Variants in FBXO44 observed in about 807,000 individuals in gnomAD.
FBXO44 encodes F-box protein 44.
A neutral mutation model predicts 33.5 loss-of-function variants in FBXO44; 25 were observed. The observed-to-expected ratio is 0.75, with a 90% CI of 0.54 to 1.04. FBXO44 has a LOEUF of 1.04. FBXO44 is among the 50% of genes least tolerant of loss of function. The probability of loss-of-function intolerance (pLI) is 0.00; values close to 1 mark genes in which losing one functional copy is unlikely to be tolerated. For missense variants in FBXO44, 311 were observed against 344.0 expected, an observed-to-expected ratio of 0.90 and a Z score of 0.76; for synonymous variants, 147 against 152.8, an observed-to-expected ratio of 0.96 and a Z score of 0.28.
In FBXO44 at chr1:11,655,323, C is replaced by G. The variant is rs550774733; in HGVS notation, c.-31+371C>G. On this transcript the variant is annotated intron_variant, in intron 1 of 5. Coordinates refer to ENST00000251547, the MANE Select transcript of FBXO44 (RefSeq NM_033182.7). ...GTCGCCCACCCTCTTGCCACTCCCA[C>G]CTAGGCAGGAGATCATGTCCTCTGA... The G allele has an allele frequency of 3.4e-4, 53 of 155,890 alleles. 1 individual carries two copies. In the South Asian group the frequency reaches 4.0e-3, roughly 12 times the overall value. 9.7% of individuals were successfully genotyped at this position (155,890 alleles called of 1,614,324 possible).
At chr1:11,660,988 G>C in intron 5 of FBXO44, 142 bp from the exon 6 acceptor site, 2 of 817,160 alleles carry the variant, frequency 2.4e-6, no homozygotes, top group Non-Finnish European at 3.8e-6. Context: ...TCTGGTTTGC[G>C]ACAAGACTAG....
chr1:11,659,399 GA>G (rs939864771), intron 5 of FBXO44, among the ~76,000 whole-genome samples: 2 of 151,888 alleles, frequency 1.3e-5, no homozygotes, highest in Non-Finnish European at 2.9e-5. Context: ...GAAAAGAAAA[GA>G]AAAAAAATTC....
In FBXO44 at chr1:11,662,799, T is replaced by C. The variant is rs906526423; in HGVS notation, c.*1526T>C. 2 of 152,142 alleles carry C rather than the reference T, an allele frequency of 1.3e-5. No homozygotes were observed. The highest frequency in any genetic ancestry group is 2.9e-5 in the Non-Finnish European group (2 of 68,042). The allele number at this position is 152,142 out of a possible 1,614,324, so 9.4% of individuals were successfully genotyped here. ...GGATTATGGGAGCGGTTTTCCCCCATGCTGTTCTCATGATAGTGAGTGAGT... is the reference window on the plus strand; with the variant it reads ...GGATTATGGGAGCGGTTTTCCCCCACGCTGTTCTCATGATAGTGAGTGAGT... On this transcript the variant is annotated 3_prime_UTR_variant, in exon 6 of 6. Coordinates refer to ENST00000251547, the MANE Select transcript of FBXO44 (RefSeq NM_033182.7).
Position 11,658,338 on chromosome 1 carries a change from C to A in FBXO44, c.337C>A (p.Gln113Lys). Residue 113 changes from glutamine to lysine, a missense_variant, in exon 3 of 6, where the codon CAG becomes AAG. By Grantham distance (53) the Gln-to-Lys change is moderately conservative. Transcript: ENST00000251547. The part of the protein sequence containing the change: ...EWKVEDLSRD[Q>K]RKEFPNDQVK... ...GAAGGTGGAGGATCTCTCTCGAGACCAGAGGAAGGAATTCCCCAATGACCA... is the reference window on the plus strand; with the variant it reads ...GAAGGTGGAGGATCTCTCTCGAGACAAGAGGAAGGAATTCCCCAATGACCA... 7 of 1,613,138 alleles carry A rather than the reference C, an allele frequency of 4.3e-6. No homozygotes were observed. The highest frequency in any genetic ancestry group is 5.9e-6 in the Non-Finnish European group (7 of 1,179,770).
chr1:11,658,954 A>G, intron 5 of FBXO44, 83 bp downstream of exon 5: 1 of 1,531,366 alleles, frequency 6.5e-7, no homozygotes, highest in Non-Finnish European at 8.8e-7. Context: ...TTCAGATCCA[A>G]GCTCTGCACC....
At chr1:11,654,442 G>A (rs1639626764), upstream of FBXO44, 10 of 1,220,964 alleles carry the variant, frequency 8.2e-6, no homozygotes, top group South Asian at 1.5e-4. Context: ...GTCGGTCCCG[G>A]CGACCGCGCC....
intron 2 of FBXO44, among the ~76,000 whole-genome samples, chr1:11,657,157 T>C (rs562983331): frequency 1.3e-5 from 2 of 152,336 alleles, no homozygotes; most frequent in South Asian, 4.1e-4. Flanking sequence ...GCTGAGGCAT[T>C]AATAATTGTT....
rs1640150142 is a variant in FBXO44, at chr1:11,661,042, C to A, written c.625-88C>A. 7.1e-7 allele frequency: 1 copy of A among 1,410,510 alleles called. No individual in the cohort carries two copies. The highest frequency in any genetic ancestry group is 1.3e-5 in the South Asian group (1 of 75,900). The allele number at this position is 1,410,510 out of a possible 1,614,324, so 87.4% of individuals were successfully genotyped here. ...AAACAACCCTCCCACCTCAGCCTCC[C>A]AAAGTACTGGGATTCCCGGTGTGAG... On this transcript the variant is annotated intron_variant, in intron 5 of 5. Coordinates refer to ENST00000251547, the MANE Select transcript of FBXO44 (RefSeq NM_033182.7). This position sits in a 1 kb window ranked among gnomAD's most constrained non-coding sequence, Gnocchi z 4.4.
chr1:11,658,683 C>A (rs572795365), intron 4 of FBXO44, 53 bp from the exon 5 acceptor site: 7 of 1,607,938 alleles, frequency 4.4e-6, no homozygotes, highest in Non-Finnish European at 5.9e-6. Context: ...GCGCCCCACC[C>A]CCGCCCTGCC....
Position 11,656,012 on chromosome 1 carries a change from G to A in FBXO44, c.177G>A (p.Glu59=). Reference sequence around the variant, plus strand: ...GCCTGCGAGAGGGCTTCATCACTGAGGACTGGGACCAGCCCGTGGCCGACT... The same window carrying A: ...GCCTGCGAGAGGGCTTCATCACTGAAGACTGGGACCAGCCCGTGGCCGACT... ...RKCLREGFIT[E]DWDQPVADWK... is the part of the protein sequence containing the mutation. The change falls in exon 2 of 6, where the codon GAG becomes GAA. Residue 59 remains glutamate, a synonymous_variant. Transcript: ENST00000251547. The A allele has an allele frequency of 6.2e-7, 1 of 1,614,200 alleles. No homozygotes were observed. Among genetic ancestry groups the A allele is most frequent in the Non-Finnish European group, 8.5e-7 (1 of 1,180,040 alleles).
intron 4 of FBXO44, 47 bp downstream of exon 4, chr1:11,658,675 G>GCCCCCCCCC: frequency 6.3e-7 from 1 of 1,594,524 alleles, no homozygotes; most frequent in Non-Finnish European, 8.5e-7. Context: ...CCAATCAGGC[G>GCCCCCCCCC]CCCCACCCCC....
intron 1 of FBXO44, 23 bp from the exon 2 acceptor site, chr1:11,655,783 C>T: frequency 6.3e-7 from 1 of 1,599,310 alleles, no homozygotes; most frequent in Non-Finnish European, 8.5e-7. Context: ...AGGGATGAGG[C>T]CTGCAGCATA....
chr1:11,660,491 G>A (rs191296686), intron 5 of FBXO44, among the ~76,000 whole-genome samples: 2 of 152,308 alleles, frequency 1.3e-5, no homozygotes, highest in African/African-American at 4.8e-5. Context: ...AATAATACAT[G>A]TGCCCCGTGA....
At position 11,663,249 on chromosome 1, in the gene FBXO44, CGCCCAGCGAT is replaced by C. The variant is rs1640287678; in HGVS notation, c.*1977_*1986del. 6.6e-6 allele frequency: 1 copy of C among 152,178 alleles called. No homozygotes were observed. Among genetic ancestry groups the C allele is most frequent in the South Asian group, 2.1e-4 (1 of 4,824 alleles). The allele number at this position is 152,178 out of a possible 1,614,324, so 9.4% of individuals were successfully genotyped here. A position where few individuals can be genotyped will look rare whatever the true frequency, so the allele number is the denominator to read the frequency against. ...CTGAGATTACAGGCGTGAGCCACCG[CGCCCAGCGAT>C]TGTTTCTTGAGGCTTCCCCAGCCAT... On this transcript the variant is annotated 3_prime_UTR_variant, in exon 6 of 6. Transcript: ENST00000251547.
chr1:11,661,060 G>T lies in FBXO44; in HGVS notation c.625-70G>T, dbSNP rs540486536. 14 of 1,494,368 alleles carry T rather than the reference G, an allele frequency of 9.4e-6. No homozygotes were observed. The African/African-American group carries it at 1.7e-4, about 18-fold the overall frequency. The allele number at this position is 1,494,368 out of a possible 1,614,324, so 92.6% of individuals were successfully genotyped here. A position where few individuals can be genotyped will look rare whatever the true frequency, so the allele number is the denominator to read the frequency against. ...AGCCTCCCAAAGTACTGGGATTCCC[G>T]GTGTGAGCCGCCACACCCAGCCTGA... On this transcript the variant is annotated intron_variant, in intron 5 of 5. Transcript: ENST00000251547. This position sits in a 1 kb window ranked among gnomAD's most constrained non-coding sequence, Gnocchi z 4.4.
At chr1:11,659,158 T>C (rs1362351233) in intron 5 of FBXO44, among the ~76,000 whole-genome samples, 1 of 152,152 alleles carries the variant, frequency 6.6e-6, no homozygotes, top group African/African-American at 2.4e-5. Context: ...GAGGCCCAGG[T>C]AGGCAGATCA....
intron 2 of FBXO44, among the ~76,000 whole-genome samples, chr1:11,657,494 C>G (rs143069046): frequency 0.038 from 5,784 of 152,248 alleles, 320 homozygotes; most frequent in African/African-American, 0.12. Flanking sequence ...AATCCCAGCA[C>G]TTTGGGAGGC....
rs201772395 is a variant in FBXO44 at position 11,655,927 on chromosome 1, G to A, written c.92G>A (p.Arg31His). ...VPARQLLLNC[R>H]LVCSLWRDLI... ...GCCCGCCAGCTGCTGCTGAACTGCC[G>A]CCTGGTCTGCAGCCTCTGGCGGGAC... Residue 31 changes from arginine to histidine, a missense_variant, in exon 2 of 6, where the codon CGC becomes CAC. Coordinates refer to ENST00000251547, the MANE Select transcript of FBXO44 (RefSeq NM_033182.7). The A allele has an allele frequency of 1.2e-5, 19 of 1,613,960 alleles. No homozygotes were observed. The highest frequency in any genetic ancestry group is 1.7e-5 in the Admixed American group (1 of 60,018).
rs759121853 is a variant in FBXO44 at position 11,661,193 on chromosome 1, G to A, written c.688G>A (p.Val230Met). 4.2e-5 allele frequency: 68 copies of A among 1,613,976 alleles called. No homozygotes were observed. Among genetic ancestry groups the A allele is most frequent in the Non-Finnish European group, 5.3e-5 (62 of 1,180,024 alleles). ...CTACATCTGGTTTCAGCACGGCGGC[G>A]TGGACACTCATTACTGGGCCGGCTG... ...VRYIWFQHGGVDTHYWAGWYG... is the reference protein window; with the variant it reads ...VRYIWFQHGGMDTHYWAGWYG... The change falls in exon 6 of 6, where the codon GTG becomes ATG. Residue 230 changes from valine to methionine, a missense_variant. Val to Met is a conservative substitution (Grantham distance 21). Coordinates refer to ENST00000251547, the MANE Select transcript of FBXO44 (RefSeq NM_033182.7). This position sits in a 1 kb window ranked among gnomAD's most constrained non-coding sequence, Gnocchi z 4.4.
Sources: allele counts gnomAD v4.1 joint callset (sites outside exome capture counted in the v4.1 genomes callset), GRCh38; gene constraint gnomAD v4.1.1; non-coding constraint Gnocchi (gnomAD v3.1); transcripts MANE v1.5; gene names NCBI Gene and HGNC (gene_info 2026-07-23, HGNC 2026-07-21).